NAA25: variants seen among roughly 807,000 people sequenced by gnomAD.
The protein encoded by NAA25 is N-alpha-acetyltransferase 25, NatB auxiliary subunit.
NAA25 carries 30 observed loss-of-function variants against 132.5 expected under a neutral mutation model. That is an observed-to-expected ratio of 0.23 (90% CI 0.17 to 0.31). The LOEUF (loss-of-function observed/expected upper bound fraction) is 0.31, where lower values mean the gene tolerates loss of function less well. NAA25 is among the 10% of genes least tolerant of loss of function. The probability of loss-of-function intolerance (pLI) is 1.00; values close to 1 mark genes in which losing one functional copy is unlikely to be tolerated. For synonymous variants in NAA25, 359 were observed against 401.9 expected (o/e 0.89, Z 1.28); for missense variants, 771 against 1,150.4 (o/e 0.67, Z 4.77).
chr12:112,096,609 T>C (rs556365573), intron 1 of NAA25, among the ~76,000 whole-genome samples: 16 of 152,304 alleles, frequency 1.1e-4, no homozygotes, highest in South Asian at 2.1e-4. Context: ...TGGAGAGGCA[T>C]TGGAGAATCA....
chr12:112,081,701 T>G (rs1593812364), intron 4 of NAA25, among the ~76,000 whole-genome samples: 1 of 152,200 alleles, frequency 6.6e-6, no homozygotes, highest in African/African-American at 2.4e-5. Context: ...ATAGACCTAT[T>G]CAAGCATAAT....
intron 13 of NAA25, among the ~76,000 whole-genome samples, chr12:112,059,314 G>A (rs890989967): frequency 4.6e-5 from 7 of 151,796 alleles, no homozygotes; most frequent in African/African-American, 1.7e-4. Context: ...GATCCATGAG[G>A]GCAGGGGTTG....
Position 112,059,777 on chromosome 12 carries a change from T to C in NAA25, c.1447+493A>G, listed in dbSNP as rs564900741. Among the ~76,000 whole-genome samples the C allele has an allele frequency of 2.0e-5, 3 of 152,144 alleles. No homozygotes were observed. In the South Asian group the frequency reaches 6.2e-4, roughly 32 times the overall value. ...GAACAGATATCCATTCATTTAACAT[T>C]ATCCTGGTTACAAGGGGATAAACTG... On this transcript the variant is annotated intron_variant, in intron 13 of 23. Coordinates refer to ENST00000261745, the MANE Select transcript of NAA25 (RefSeq NM_024953.4).
chr12:112,073,398 C>G (rs1023918566), intron 9 of NAA25, among the ~76,000 whole-genome samples: 1 of 152,104 alleles, frequency 6.6e-6, no homozygotes, highest in Non-Finnish European at 1.5e-5. Context: ...TAACTGTCAT[C>G]TTGAATTTTA....
rs376771299 is a variant in NAA25 at position 112,029,272 on chromosome 12, T to A, written c.*259A>T. On this transcript the variant is annotated 3_prime_UTR_variant, in exon 24 of 24. Coordinates refer to ENST00000261745, the MANE Select transcript of NAA25 (RefSeq NM_024953.4). ...GGTGATGGGAAGAAGAAAAGTAGGG[T>A]TCTCTTGTTGCTGCCATATGCATAT... 1.1e-4 allele frequency: 46 copies of A among 407,464 alleles called. No individual in the cohort carries two copies. Among genetic ancestry groups the A allele is most frequent in the African/African-American group, 9.0e-4 (45 of 49,956 alleles). 25.2% of individuals were successfully genotyped at this position (407,464 alleles called of 1,614,324 possible). A position where few individuals can be genotyped will look rare whatever the true frequency, so the allele number is the denominator to read the frequency against.
Position 112,026,980 on chromosome 12 carries a change from T to C in NAA25, c.*2551A>G, listed in dbSNP as rs75512100. The C allele has an allele frequency of 5.3e-3, 808 of 152,720 alleles. 4 individuals carry two copies. The highest frequency in any genetic ancestry group is 7.2e-3 in the Non-Finnish European group (490 of 68,018). The allele number at this position is 152,720 out of a possible 1,614,324, so 9.5% of individuals were successfully genotyped here. A position where few individuals can be genotyped will look rare whatever the true frequency, so the allele number is the denominator to read the frequency against. Reference sequence around the variant, plus strand: ...ATTGATGGGCAACACAACTAGGCATTTGTACATTTTCCATTATGTGGAGAA... The same window carrying C: ...ATTGATGGGCAACACAACTAGGCATCTGTACATTTTCCATTATGTGGAGAA... On this transcript the variant is annotated 3_prime_UTR_variant, in exon 24 of 24. Transcript: ENST00000261745.
intron 3 of NAA25, among the ~76,000 whole-genome samples, chr12:112,089,617 T>C (rs2079102973): frequency 6.6e-6 from 1 of 152,216 alleles, no homozygotes; most frequent in African/African-American, 2.4e-5. Context: ...GAAATAAATG[T>C]AATAAACATT....
In NAA25 at chr12:112,085,323, CAG is replaced by C. The variant is rs34119309; in HGVS notation, c.402+2358_402+2359del. ...AGGAGAATCTCTTGAACCTGGGAGG[CAG>C]AGTTTGCAGTAAGCTGAGATCACGC... On this transcript the variant is annotated intron_variant, in intron 4 of 23. Coordinates refer to ENST00000261745, the MANE Select transcript of NAA25 (RefSeq NM_024953.4). 0.055 allele frequency among the ~76,000 whole-genome samples: 8,406 copies of C among 152,060 alleles called. 1,283 individuals carry two copies. In the East Asian group the frequency reaches 0.61, roughly 11 times the overall value.
intron 9 of NAA25, 23 bp from the exon 10 acceptor site, chr12:112,072,087 G>C (rs1388503121): frequency 1.3e-6 from 2 of 1,570,324 alleles, no homozygotes; most frequent in South Asian, 1.1e-5. Flanking sequence ...ACATGAAAAA[G>C]GAATTTTATT....
At chr12:112,079,288 A>G (rs1160846850) in intron 5 of NAA25, among the ~76,000 whole-genome samples, 1 of 152,228 alleles carries the variant, frequency 6.6e-6, no homozygotes, top group Non-Finnish European at 1.5e-5. Flanking sequence ...TATTTTACAA[A>G]GAAACTAAGG....
chr12:112,048,240 TAAC>T, intron 16 of NAA25, 49 bp downstream of exon 16: 2 of 1,557,946 alleles, frequency 1.3e-6, no homozygotes, highest in East Asian at 2.3e-5. Flanking sequence ...TAATGGCTCT[TAAC>T]AACTGATCTA....
chr12:112,067,396 T>A (rs112501708), intron 11 of NAA25, among the ~76,000 whole-genome samples: 7 of 152,212 alleles, frequency 4.6e-5, no homozygotes, highest in South Asian at 2.1e-4. Flanking sequence ...AACTCAACAG[T>A]AGGGAACACT....
At chr12:112,075,885 C>G in intron 7 of NAA25, 96 bp from the exon 8 acceptor site, 1 of 1,042,234 alleles carries the variant, frequency 9.6e-7, no homozygotes, top group South Asian at 1.4e-5. Context: ...GTCACATTTT[C>G]TTTTCTTTTT....
At chr12:112,084,791 CAAAT>C (rs199834321) in intron 4 of NAA25, among the ~76,000 whole-genome samples, 41 of 151,168 alleles carry the variant, frequency 2.7e-4, no homozygotes, top group Admixed American at 2.4e-3. Flanking sequence ...GACTCCATAT[CAAAT>C]AAATAAATAA....
intron 12 of NAA25, among the ~76,000 whole-genome samples, chr12:112,060,933 G>A (rs1010735381): frequency 6.6e-6 from 1 of 152,074 alleles, no homozygotes; most frequent in Non-Finnish European, 1.5e-5. Flanking sequence ...CAATCTATAT[G>A]AGCCCCAATC....
chr12:112,043,200 A>C lies in NAA25; in HGVS notation c.2262T>G (p.Leu754=), dbSNP rs2078327270. Reference sequence around the variant, plus strand: ...CACCCATTCTGGTAGGTACAGGACCAAGGAAAGGATACTGGAAAAAAGGGA... The same window carrying C: ...CACCCATTCTGGTAGGTACAGGACCCAGGAAAGGATACTGGAAAAAAGGGA... ...FIEKDIQYPF[L]GPVPTRMGGF... is the part of the protein sequence containing the mutation. The change falls in exon 19 of 24, where the codon CTT becomes CTG. Residue 754 remains leucine (L), a synonymous_variant. Transcript: ENST00000261745. 1.9e-6 allele frequency: 3 copies of C among 1,594,646 alleles called. No homozygotes were observed. Among genetic ancestry groups the C allele is most frequent in the Admixed American group, 3.6e-5 (2 of 55,936 alleles).
chr12:112,046,342 CT>C (rs1404496599), intron 17 of NAA25, among the ~76,000 whole-genome samples: 1 of 152,240 alleles, frequency 6.6e-6, no homozygotes, highest in Non-Finnish European at 1.5e-5. Flanking sequence ...CACTGGAAGT[CT>C]GAGTTCTCCC....
At chr12:112,029,773 C>T (rs2078125509) in intron 23 of NAA25, 120 bp from the exon 24 acceptor site, 1 of 1,362,344 alleles carries the variant, frequency 7.3e-7, no homozygotes, top group South Asian at 1.4e-5. Context: ...TCCATCAGAA[C>T]ACAGTGGGTC....
At chr12:112,093,206 G>T in intron 1 of NAA25, 70 bp from the exon 2 acceptor site, 3 of 949,274 alleles carry the variant, frequency 3.2e-6, no homozygotes, top group South Asian at 1.4e-5. Context: ...TGCACCAACT[G>T]GTATGAGATA....
Sources: allele counts gnomAD v4.1 joint callset (sites outside exome capture counted in the v4.1 genomes callset), GRCh38; gene constraint gnomAD v4.1.1; transcripts MANE v1.5; gene names NCBI Gene and HGNC (gene_info 2026-07-23, HGNC 2026-07-21).